DCUN1D3: variants seen among roughly 807,000 people sequenced by gnomAD.
The protein encoded by DCUN1D3 is DCN1-like protein 3.
In DCUN1D3, 6 loss-of-function variants were observed where a neutral mutation model predicts 24.8. The observed-to-expected ratio is 0.24, with a 90% CI of 0.13 to 0.48. The LOEUF (loss-of-function observed/expected upper bound fraction) is 0.48. Among genes scored for constraint, DCUN1D3 ranks in the 20% least tolerant of loss-of-function variants. The probability of loss-of-function intolerance (pLI) is 0.99; values close to 1 mark genes in which losing one functional copy is unlikely to be tolerated. For missense variants in DCUN1D3, 258 were observed against 379.4 expected (o/e 0.68, Z 2.66); for synonymous variants, 120 against 144.9 (o/e 0.83, Z 1.24).
intron 1 of DCUN1D3, 97 bp from the exon 2 acceptor site, chr16:20,862,740 T>C: frequency 8.3e-7 from 1 of 1,199,304 alleles, no homozygotes; most frequent in Non-Finnish European, 1.1e-6. Context: ...TCTATTTCCA[T>C]GAGCCAACAA....
rs1028914813 is a variant in DCUN1D3, at chr16:20,860,515, C to T, written c.432-146G>A. The T allele has an allele frequency of 1.0e-5, 9 of 877,354 alleles. No homozygotes were observed. Among genetic ancestry groups the T allele is most frequent in the Non-Finnish European group, 1.5e-5 (9 of 592,192 alleles). 54.3% of individuals were successfully genotyped at this position (877,354 alleles called of 1,614,324 possible). A position where few individuals can be genotyped will look rare whatever the true frequency, so the allele number is the denominator to read the frequency against. On this transcript the variant is annotated intron_variant, in intron 2 of 2. Transcript: ENST00000324344. This position sits in a 1 kb window ranked among gnomAD's most constrained non-coding sequence, Gnocchi z 4.3. ...CCAACTAATTAGTCCTATTTCCTTA[C>T]TTGTCAAATGGTAAAAATACCACCT...
chr16:20,894,977 C>T (rs903547351), intron 1 of DCUN1D3, among the ~76,000 whole-genome samples: 1 of 151,764 alleles, frequency 6.6e-6, no homozygotes, highest in Admixed American at 6.6e-5. Context: ...TTGGCAGATT[C>T]GACCAACCAT....
At chr16:20,873,043 A>G (rs1296791443) in intron 1 of DCUN1D3, among the ~76,000 whole-genome samples, 1 of 151,248 alleles carries the variant, frequency 6.6e-6, no homozygotes, top group Non-Finnish European at 1.5e-5. Context: ...TTGAAGTGGG[A>G]CCTGGGAGGC....
chr16:20,871,795 C>T (rs2081789668), intron 1 of DCUN1D3, among the ~76,000 whole-genome samples: 1 of 152,130 alleles, frequency 6.6e-6, no homozygotes, highest in Admixed American at 6.5e-5. Context: ...TTTGCTGTCA[C>T]TATTGATCTG....
Position 20,859,812 on chromosome 16 carries a change from C to G in DCUN1D3, c.*74G>C. The G allele has an allele frequency of 6.6e-7, 1 of 1,508,670 alleles. No homozygotes were observed. Among genetic ancestry groups the G allele is most frequent in the Non-Finnish European group, 8.9e-7 (1 of 1,128,916 alleles). The allele number at this position is 1,508,670 out of a possible 1,614,324, so 93.5% of individuals were successfully genotyped here. A position where few individuals can be genotyped will look rare whatever the true frequency, so the allele number is the denominator to read the frequency against. On this transcript the variant is annotated 3_prime_UTR_variant, in exon 3 of 3. Coordinates refer to ENST00000324344, the MANE Select transcript of DCUN1D3 (RefSeq NM_173475.4). Reference sequence around the variant, plus strand: ...AAAATATCCGGATCTTCAGTAATTTCCAAAATGGTCCAATTCCTCAGTTGG... The same window carrying G: ...AAAATATCCGGATCTTCAGTAATTTGCAAAATGGTCCAATTCCTCAGTTGG...
At position 20,858,672 on chromosome 16, in the gene DCUN1D3, A is replaced by C. The variant is rs1293160897; in HGVS notation, c.*1214T>G. The C allele has an allele frequency of 6.6e-6, 1 of 151,288 alleles. No homozygotes were observed. The highest frequency in any genetic ancestry group is 1.5e-5 in the Non-Finnish European group (1 of 67,808). 9.4% of individuals were successfully genotyped at this position (151,288 alleles called of 1,614,324 possible). On this transcript the variant is annotated 3_prime_UTR_variant, in exon 3 of 3. Coordinates refer to ENST00000324344, the MANE Select transcript of DCUN1D3 (RefSeq NM_173475.4). ...TGAGCCTGACTTTAACAAAAAGATA[A>C]TAAATAACTCCTGGGGGTTAAGTGA...
Position 20,864,530 on chromosome 16 carries a change from T to C in DCUN1D3, c.-105-1887A>G, listed in dbSNP as rs989266850. Among the ~76,000 whole-genome samples the C allele has an allele frequency of 2.6e-5, 4 of 151,766 alleles. No homozygotes were observed. The East Asian group carries it at 7.7e-4, about 29-fold the overall frequency. On this transcript the variant is annotated intron_variant, in intron 1 of 2. Transcript: ENST00000324344. ...GGTTGTAGAGAAAAGGGAACACTTA[T>C]ACACGGCTGGTGGGAGTGTAAATTA...
Position 20,862,615 on chromosome 16 carries a change from C to T in DCUN1D3, c.-77G>A, listed in dbSNP as rs2081739531. The T allele has an allele frequency of 2.6e-6, 4 of 1,526,952 alleles. No individual in the cohort carries two copies. The highest frequency in any genetic ancestry group is 1.4e-5 in the African/African-American group (1 of 72,510). 94.6% of individuals were successfully genotyped at this position (1,526,952 alleles called of 1,614,324 possible). Reference sequence around the variant, plus strand: ...GCTGCCGCTGGCCCATGTACCTCAACATGCCATCAGCCAGAGGAGCCAGCC... The same window carrying T: ...GCTGCCGCTGGCCCATGTACCTCAATATGCCATCAGCCAGAGGAGCCAGCC... On this transcript the variant is annotated 5_prime_UTR_variant, in exon 2 of 3. It removes an upstream start codon present in the reference 5' UTR. Transcript: ENST00000324344.
At chr16:20,875,276 G>A (rs1397302648) in intron 1 of DCUN1D3, among the ~76,000 whole-genome samples, 1 of 151,324 alleles carries the variant, frequency 6.6e-6, no homozygotes, top group East Asian at 1.9e-4. Context: ...TCCAACAATA[G>A]GGGGTCCATG....
intron 1 of DCUN1D3, among the ~76,000 whole-genome samples, chr16:20,875,212 A>ACG (rs1227429481): frequency 0.016 from 377 of 22,850 alleles, 2 homozygotes; most frequent in African/African-American, 0.035. Flanking sequence ...GCGCTCATGC[A>ACG]CACACACACA....
intron 1 of DCUN1D3, among the ~76,000 whole-genome samples, chr16:20,874,985 C>T (rs942849073): frequency 1.4e-4 from 22 of 152,100 alleles, no homozygotes; most frequent in African/African-American, 4.6e-4. Context: ...TCTGATGATT[C>T]GTTCCTGCCC....
At chr16:20,877,413 C>T (rs2081821490) in intron 1 of DCUN1D3, among the ~76,000 whole-genome samples, 1 of 152,186 alleles carries the variant, frequency 6.6e-6, no homozygotes, top group Admixed American at 6.5e-5. Flanking sequence ...GCACTTACAA[C>T]TCTGTGAAAT....
At chr16:20,869,648 TG>T (rs2081778864) in intron 1 of DCUN1D3, among the ~76,000 whole-genome samples, 1 of 152,206 alleles carries the variant, frequency 6.6e-6, no homozygotes, top group African/African-American at 2.4e-5. Context: ...TTGATATGGT[TG>T]GCTCATGTTA....
rs1429777844 is a variant in DCUN1D3, at chr16:20,860,093, C to G, written c.708G>C (p.Lys236Asn). ...NFLTENPSGIKGISRDTWNMF... is the reference protein window; with the variant it reads ...NFLTENPSGINGISRDTWNMF... ...TGTTCCAAGTGTCCCGGGAGATGCC[C>G]TTGATCCCCGAGGGGTTCTCTGTTA... is the stretch of plus-strand genomic sequence containing the variant. The change falls in exon 3 of 3, where the codon AAG becomes AAC. Residue 236 changes from lysine (K) to asparagine (N), a missense_variant. Physicochemically the swap from Lys to Asn is moderately conservative, Grantham distance 94. Coordinates refer to ENST00000324344, the MANE Select transcript of DCUN1D3 (RefSeq NM_173475.4). The surrounding 1 kb of genome is among the most constrained non-coding windows in gnomAD (Gnocchi z 4.3). 2.5e-6 allele frequency: 4 copies of G among 1,614,106 alleles called. No homozygotes were observed. In the Admixed American group the frequency reaches 6.7e-5, roughly 27 times the overall value.
intron 1 of DCUN1D3, among the ~76,000 whole-genome samples, chr16:20,879,283 G>A (rs191529374): frequency 1.5e-4 from 23 of 152,240 alleles, no homozygotes; most frequent in Non-Finnish European, 2.9e-4. Context: ...AACAGTGATC[G>A]TCCACCAGTG....
intron 2 of DCUN1D3, among the ~76,000 whole-genome samples, chr16:20,861,017 T>C (rs923606773): frequency 1.3e-5 from 2 of 152,160 alleles, no homozygotes; most frequent in Non-Finnish European, 2.9e-5. Context: ...AGGGTAACCT[T>C]CCTGGGGTGG....
At chr16:20,884,042 C>T (rs1054297950) in intron 1 of DCUN1D3, among the ~76,000 whole-genome samples, 2 of 152,112 alleles carry the variant, frequency 1.3e-5, no homozygotes, top group African/African-American at 2.4e-5. Flanking sequence ...GAGAAGACCG[C>T]GATAAGTGGT....
chr16:20,881,391 A>G (rs959848854), intron 1 of DCUN1D3, among the ~76,000 whole-genome samples: 1 of 152,184 alleles, frequency 6.6e-6, no homozygotes, highest in African/African-American at 2.4e-5. Flanking sequence ...TGGGTGACAG[A>G]GCAAGATCCT....
chr16:20,863,938 G>T (rs995071590), intron 1 of DCUN1D3, among the ~76,000 whole-genome samples: 2 of 152,168 alleles, frequency 1.3e-5, no homozygotes, highest in Non-Finnish European at 2.9e-5. Context: ...ACTGAGGCTG[G>T]ATCCCTTCCT....
Sources: gnomAD v4.1 joint callset for allele counts (sites outside exome capture counted in the v4.1 genomes callset) on GRCh38, gnomAD v4.1.1 for gene constraint, Gnocchi (gnomAD v3.1) non-coding constraint, MANE v1.5 for transcripts, NCBI Gene and HGNC (gene_info 2026-07-23, HGNC 2026-07-21) for gene names.